The following ST6GAL1 variants were observed in gnomAD, a reference collection of about 807,000 sequenced individuals.
ST6GAL1 encodes ST6 beta-galactoside alpha-2,6-sialyltransferase 1, also known as beta-galactoside alpha-2,6-sialyltransferase 1.
A neutral mutation model predicts 38.0 loss-of-function variants in ST6GAL1; 20 were observed. The observed-to-expected ratio is 0.53, with a 90% CI of 0.37 to 0.77. The LOEUF (loss-of-function observed/expected upper bound fraction) is 0.77. Among genes scored for constraint, ST6GAL1 ranks in the 30% least tolerant of loss-of-function variants. The pLI is 0.00. For synonymous variants in ST6GAL1, 196 were observed against 188.2 expected (o/e 1.04, Z -0.34); for missense variants, 432 against 496.4 (o/e 0.87, Z 1.23).
chr3:187,024,491 T>TAGAG (rs773308806), intron 2 of ST6GAL1, among the ~76,000 whole-genome samples: 15 of 105,302 alleles, frequency 1.4e-4, no homozygotes, highest in East Asian at 5.8e-4. Flanking sequence ...TATATATATA[T>TAGAG]ATAGAGAGAG....
intron 2 of ST6GAL1, among the ~76,000 whole-genome samples, chr3:187,023,584 A>T (rs1018168214): frequency 3.9e-5 from 6 of 152,306 alleles, no homozygotes; most frequent in African/African-American, 1.2e-4. Context: ...CGTCCTTTGT[A>T]GGGACATGGA....
At chr3:186,968,947 A>G (rs56395638) in intron 2 of ST6GAL1, among the ~76,000 whole-genome samples, 12,668 of 152,060 alleles carry the variant, frequency 0.083, 713 homozygotes, top group Non-Finnish European at 0.12. Context: ...GTACCATTTT[A>G]TATCACCACC....
intron 2 of ST6GAL1, among the ~76,000 whole-genome samples, chr3:187,022,700 T>G (rs1249475059): frequency 6.6e-6 from 1 of 152,182 alleles, no homozygotes; most frequent in African/African-American, 2.4e-5. Flanking sequence ...CAAAGATGGC[T>G]TTGCAGTCCA....
In ST6GAL1 at chr3:186,952,038, A is replaced by C. The variant is rs1475391470; in HGVS notation, c.-324-11747A>C. On this transcript the variant is annotated intron_variant, in intron 1 of 7. Transcript: ENST00000169298. This position sits in a 1 kb window ranked among gnomAD's most constrained non-coding sequence, Gnocchi z 4.1. The stretch of plus-strand genomic sequence containing the variant: ...AGGAAAACCTGAGACTGAGTAATTT[A>C]TAAAGAAAAGAGGTTTATTTGGCTC... Among the ~76,000 whole-genome samples, 4 of 152,328 alleles carry C rather than the reference A, an allele frequency of 2.6e-5. No individual in the cohort carries two copies. In the East Asian group the frequency reaches 7.7e-4, roughly 29 times the overall value.
intron 2 of ST6GAL1, among the ~76,000 whole-genome samples, chr3:187,005,415 A>T (rs1296629710): frequency 6.6e-6 from 1 of 151,594 alleles, no homozygotes; most frequent in Non-Finnish European, 1.5e-5. Context: ...AGCTGGGACT[A>T]CAGGTGCCCG....
intron 2 of ST6GAL1, among the ~76,000 whole-genome samples, chr3:186,968,640 ATT>A (rs142342973): frequency 6.7e-6 from 1 of 149,160 alleles, no homozygotes; most frequent in African/African-American, 2.5e-5. Flanking sequence ...TACAGCATGC[ATT>A]TTTTTTTCAT....
intron 2 of ST6GAL1, among the ~76,000 whole-genome samples, chr3:187,031,457 A>G (rs140499932): frequency 5.4e-5 from 8 of 148,926 alleles, no homozygotes; most frequent in Admixed American, 5.3e-4. Context: ...TTTTTTTGAG[A>G]TGGAGTCTCG....
intron 2 of ST6GAL1, among the ~76,000 whole-genome samples, chr3:187,027,191 A>C (rs916523726): frequency 6.6e-6 from 1 of 152,360 alleles, no homozygotes; most frequent in Non-Finnish European, 1.5e-5. Flanking sequence ...AACAGGCATA[A>C]AATTACTCTT....
intron 2 of ST6GAL1, among the ~76,000 whole-genome samples, chr3:187,005,380 A>G (rs1424329712): frequency 2.1e-5 from 3 of 143,676 alleles, no homozygotes; most frequent in South Asian, 4.3e-4. Context: ...GGTTCATGCC[A>G]TTCTCTTGCC....
chr3:187,044,367 G>T (rs185087180), intron 4 of ST6GAL1, among the ~76,000 whole-genome samples: 67 of 152,238 alleles, frequency 4.4e-4, no homozygotes, highest in Non-Finnish European at 7.1e-4. Flanking sequence ...TCATTTGACT[G>T]CCAGGAAAAA....
intron 2 of ST6GAL1, among the ~76,000 whole-genome samples, chr3:187,036,468 T>A (rs549639905): frequency 3.9e-5 from 6 of 152,330 alleles, no homozygotes; most frequent in Admixed American, 3.9e-4. Flanking sequence ...ATTGCAGCAC[T>A]ATTCACAATA....
At chr3:187,062,107 C>A (rs1002022434) in intron 5 of ST6GAL1, among the ~76,000 whole-genome samples, 7 of 152,102 alleles carry the variant, frequency 4.6e-5, no homozygotes, top group African/African-American at 1.7e-4. Context: ...GGTTAGTAAG[C>A]ACATGAAAAG....
At chr3:186,990,496 G>C (rs1358481278) in intron 2 of ST6GAL1, among the ~76,000 whole-genome samples, 1 of 152,128 alleles carries the variant, frequency 6.6e-6, no homozygotes, top group East Asian at 1.9e-4. Context: ...ATAGACTATT[G>C]ATAGACTTGA....
intron 1 of ST6GAL1, among the ~76,000 whole-genome samples, chr3:186,949,713 G>A (rs955366924): frequency 1.3e-5 from 2 of 151,770 alleles, no homozygotes; most frequent in Non-Finnish European, 2.9e-5. Flanking sequence ...TTATCATTCG[G>A]AAAAAAAACC....
chr3:186,999,376 C>T (rs1245073034), intron 2 of ST6GAL1, among the ~76,000 whole-genome samples: 1 of 151,810 alleles, frequency 6.6e-6, no homozygotes, highest in Non-Finnish European at 1.5e-5. Flanking sequence ...AGAAGTAGGC[C>T]CGGATTTGTC....
chr3:187,057,137 T>C (rs975937472), intron 5 of ST6GAL1, among the ~76,000 whole-genome samples: 1 of 152,218 alleles, frequency 6.6e-6, no homozygotes, highest in African/African-American at 2.4e-5. Flanking sequence ...TCTTAAGCCA[T>C]GGTTTTCAGC....
At chr3:187,046,731 A>G (rs1450128897) in intron 4 of ST6GAL1, among the ~76,000 whole-genome samples, 4 of 152,150 alleles carry the variant, frequency 2.6e-5, no homozygotes, top group African/African-American at 4.8e-5. Flanking sequence ...CTTGGAGAAC[A>G]TGATCAGTTA....
intron 2 of ST6GAL1, among the ~76,000 whole-genome samples, chr3:186,990,226 G>A (rs1053611961): frequency 4.6e-5 from 7 of 152,186 alleles, no homozygotes; most frequent in Non-Finnish European, 7.4e-5. Context: ...TAGAGACAGG[G>A]TTTCACCATA....
At chr3:187,044,826 T>C (rs1718241960) in intron 4 of ST6GAL1, among the ~76,000 whole-genome samples, 2 of 152,154 alleles carry the variant, frequency 1.3e-5, no homozygotes, top group Admixed American at 1.3e-4. Context: ...CAAATAATAT[T>C]TTTCTATAGA....
Sources: gnomAD v4.1 joint callset for allele counts (sites outside exome capture counted in the v4.1 genomes callset) on GRCh38, gnomAD v4.1.1 for gene constraint, Gnocchi (gnomAD v3.1) non-coding constraint, MANE v1.5 for transcripts, NCBI Gene and HGNC (gene_info 2026-07-23, HGNC 2026-07-21) for gene names.